The following VMP1 variants were observed in gnomAD, a reference collection of about 807,000 sequenced individuals.
The protein encoded by VMP1 is vacuole membrane protein 1, also known as ectopic P-granules autophagy protein 3 homolog.
Under a neutral mutation model 56.0 loss-of-function variants are expected in VMP1, and 11 were observed. The ratio of observed to expected loss-of-function variants is 0.20; its 90% CI spans 0.12 to 0.32. VMP1 has a LOEUF of 0.32. VMP1 is among the 10% of genes least tolerant of loss of function. The pLI is 1.00. For synonymous variants in VMP1, 149 were observed against 165.0 expected (o/e 0.90, Z 0.74); for missense variants, 296 against 490.3 (o/e 0.60, Z 3.74).
At chr17:59,755,742 G>GTTT (rs57646102) in intron 5 of VMP1, among the ~76,000 whole-genome samples, 15,844 of 140,240 alleles carry the variant, frequency 0.11, 987 homozygotes, top group Middle Eastern at 0.23. Flanking sequence ...TTGGTTTTTG[G>GTTT]TTTTTTTTTT....
In VMP1 at chr17:59,840,790, C is replaced by T. The variant is rs1162435980; in HGVS notation, c.*879C>T. ...GCTAAATGGCACCTCTGGGATTGGC[C>T]TACCTGGGGATTTCTTGGTTTGTGA... On this transcript the variant is annotated 3_prime_UTR_variant, in exon 12 of 12. Transcript: ENST00000262291. 6.6e-6 allele frequency: 1 copy of T among 152,374 alleles called. No homozygotes were observed. Among genetic ancestry groups the T allele is most frequent in the African/African-American group, 2.4e-5 (1 of 41,376 alleles). The allele number at this position is 152,374 out of a possible 1,614,324, so 9.4% of individuals were successfully genotyped here. A position where few individuals can be genotyped will look rare whatever the true frequency, so the allele number is the denominator to read the frequency against.
At chr17:59,759,763 G>A (rs752519199) in intron 5 of VMP1, among the ~76,000 whole-genome samples, 6 of 152,098 alleles carry the variant, frequency 3.9e-5, no homozygotes, top group Non-Finnish European at 7.4e-5. Flanking sequence ...TGCAATTAAT[G>A]TAGTTATCAA....
At chr17:59,773,662 C>A in intron 6 of VMP1, 92 bp from the exon 7 acceptor site, 1 of 1,253,532 alleles carries the variant, frequency 8.0e-7, no homozygotes, top group Non-Finnish European at 1.1e-6. Flanking sequence ...TCTCAAAATG[C>A]TTCTGGTGAT....
intron 7 of VMP1, among the ~76,000 whole-genome samples, chr17:59,796,206 A>G (rs2037433177): frequency 6.6e-6 from 1 of 152,218 alleles, no homozygotes; most frequent in African/African-American, 2.4e-5. Flanking sequence ...GATTGTCAGC[A>G]TGACCTACTC....
chr17:59,796,802 T>A (rs2037452590), intron 7 of VMP1, among the ~76,000 whole-genome samples: 1 of 152,192 alleles, frequency 6.6e-6, no homozygotes, highest in African/African-American at 2.4e-5. Flanking sequence ...TTTTTTCAAT[T>A]GACAGTTATT....
intron 1 of VMP1, among the ~76,000 whole-genome samples, chr17:59,710,563 G>A (rs964788050): frequency 1.3e-5 from 2 of 152,062 alleles, no homozygotes; most frequent in Admixed American, 6.6e-5. Context: ...TCCCTCTTTA[G>A]CTAGTTTAGT....
At chr17:59,772,950 C>T (rs866522192) in intron 6 of VMP1, among the ~76,000 whole-genome samples, 1,014 of 54,992 alleles carry the variant, frequency 0.018, no homozygotes, top group Admixed American at 0.022. Context: ...CTGGTGAATT[C>T]TTTTTTTTTT....
chr17:59,718,783 C>G (rs1448190482), intron 1 of VMP1, among the ~76,000 whole-genome samples: 1 of 152,082 alleles, frequency 6.6e-6, no homozygotes, highest in African/African-American at 2.4e-5. Flanking sequence ...CCTCCTGCCT[C>G]AGCCTCCCAA....
At chr17:59,773,997 AAAAAAG>A in intron 7 of VMP1, 112 bp downstream of exon 7, 2 of 1,128,728 alleles carry the variant, frequency 1.8e-6, no homozygotes, top group Non-Finnish European at 2.3e-6. Flanking sequence ...GTAAAAAAAA[AAAAAAG>A]AAAGAAAAAT....
At chr17:59,791,180 T>C (rs1415428867) in intron 7 of VMP1, among the ~76,000 whole-genome samples, 5 of 114,554 alleles carry the variant, frequency 4.4e-5, no homozygotes, top group Non-Finnish European at 9.8e-5. Context: ...CTGCTCCCAG[T>C]TCCCTTTTTT....
At chr17:59,832,761 A>ATTTTTTTT (rs71145580) in intron 10 of VMP1, among the ~76,000 whole-genome samples, 11 of 101,308 alleles carry the variant, frequency 1.1e-4, no homozygotes, top group African/African-American at 1.6e-4. Flanking sequence ...GCCTGGCAAT[A>ATTTTTTTT]TTTTTTTTTT....
Position 59,718,767 on chromosome 17 carries a change from A to C in VMP1, c.-27+11019A>C, listed in dbSNP as rs146509807. On this transcript the variant is annotated intron_variant, in intron 1 of 11. Transcript: ENST00000262291. ...GGCTGGTCTGGACCTCCTGGCCTCA[A>C]ATGATCCTCCTGCCTCAGCCTCCCA... is the stretch of plus-strand genomic sequence containing the variant. Among the ~76,000 whole-genome samples, 427 of 151,208 alleles carry C rather than the reference A, an allele frequency of 2.8e-3. 2 individuals carry two copies. The highest frequency in any genetic ancestry group is 1.0e-3 in the Non-Finnish European group (71 of 67,700).
intron 1 of VMP1, among the ~76,000 whole-genome samples, chr17:59,716,608 A>C (rs1049040474): frequency 1.3e-5 from 2 of 152,146 alleles, no homozygotes; most frequent in Admixed American, 6.5e-5. Flanking sequence ...CCGACTTGCT[A>C]TTTGGGGCCC....
intron 10 of VMP1, among the ~76,000 whole-genome samples, chr17:59,825,762 C>T (rs2038628636): frequency 6.6e-6 from 1 of 152,228 alleles, no homozygotes; most frequent in South Asian, 2.1e-4. Flanking sequence ...TCTTTGCTGT[C>T]TCCTATTTCT....
At chr17:59,799,328 A>C (rs1050412614) in intron 7 of VMP1, among the ~76,000 whole-genome samples, 1 of 152,242 alleles carries the variant, frequency 6.6e-6, no homozygotes, top group Non-Finnish European at 1.5e-5. Flanking sequence ...CTAATTTCTA[A>C]TATATATAGA....
intron 1 of VMP1, among the ~76,000 whole-genome samples, chr17:59,708,580 TA>T (rs1598267800): frequency 6.6e-6 from 1 of 152,244 alleles, no homozygotes; most frequent in Non-Finnish European, 1.5e-5. Flanking sequence ...CTCCTTATCC[TA>T]ATGTTAACGT....
chr17:59,746,864 C>A (rs1311854167), intron 5 of VMP1, among the ~76,000 whole-genome samples: 1 of 152,124 alleles, frequency 6.6e-6, no homozygotes, highest in African/African-American at 2.4e-5. Flanking sequence ...TTCAGGAGGC[C>A]TGTTAATTTC....
At chr17:59,713,901 C>T (rs529672992) in intron 1 of VMP1, among the ~76,000 whole-genome samples, 1 of 151,136 alleles carries the variant, frequency 6.6e-6, no homozygotes, top group South Asian at 2.1e-4. Flanking sequence ...ATTAGCTGGG[C>T]GTGGTGGTGG....
chr17:59,829,324 G>T (rs1278370716), intron 10 of VMP1, among the ~76,000 whole-genome samples: 1 of 152,194 alleles, frequency 6.6e-6, no homozygotes, highest in Non-Finnish European at 1.5e-5. Flanking sequence ...GAGTCAGCAT[G>T]ATGGCCTTTG....
Sources: gnomAD v4.1 joint callset for allele counts (sites outside exome capture counted in the v4.1 genomes callset) on GRCh38, gnomAD v4.1.1 for gene constraint, MANE v1.5 for transcripts, NCBI Gene and HGNC (gene_info 2026-07-23, HGNC 2026-07-21) for gene names.